Variants in SEC23A observed in about 807,000 individuals in gnomAD.
The protein encoded by SEC23A is SEC23 homolog A, COPII component.
Under a neutral mutation model 103.7 loss-of-function variants are expected in SEC23A, and 56 were observed. That is an observed-to-expected ratio of 0.54 (90% CI 0.44 to 0.67). The LOEUF (loss-of-function observed/expected upper bound fraction) is 0.67, where lower values mean the gene tolerates loss of function less well. Ranked by LOEUF, SEC23A falls within the 30% of genes least tolerant of loss-of-function variation. The pLI is 0.00. For missense variants in SEC23A, 784 were observed against 936.4 expected, an observed-to-expected ratio of 0.84 and a Z score of 2.12; for synonymous variants, 281 against 293.0, an observed-to-expected ratio of 0.96 and a Z score of 0.42.
chr14:39,063,335 C>T lies in SEC23A; in HGVS notation c.1387G>A (p.Val463Ile). 2 of 1,605,042 alleles carry T rather than the reference C, an allele frequency of 1.2e-6. No homozygotes were observed. The highest frequency in any genetic ancestry group is 2.2e-5 in the East Asian group (1 of 44,768). ...PTTTLAIYFEVVNQHNAPIPQ... is the reference protein window; with the variant it reads ...PTTTLAIYFEIVNQHNAPIPQ... The stretch of plus-strand genomic sequence containing the variant: ...GTAGAAAGTCATACCTGATTGACAA[C>T]CTCAAAATATATGGCTAAGGTTGTA... The change falls in exon 12 of 20, where the codon GTT becomes ATT. Residue 463 changes from valine to isoleucine, a missense_variant. By Grantham distance (29) the Val-to-Ile change is conservative (BLOSUM62 3). This residue lies in a region of SEC23A where 683 missense variants were observed against 774.2 expected (regional missense o/e 0.88). Transcript: ENST00000307712.
At chr14:39,094,160 T>C (rs1027805997) in intron 2 of SEC23A, among the ~76,000 whole-genome samples, 2 of 150,458 alleles carry the variant, frequency 1.3e-5, no homozygotes, top group Admixed American at 6.7e-5. Flanking sequence ...TAGCTAGGAC[T>C]ACAGACACAT....
At chr14:39,051,567 G>A (rs1340506148) in intron 14 of SEC23A, among the ~76,000 whole-genome samples, 2 of 152,108 alleles carry the variant, frequency 1.3e-5, no homozygotes, top group Non-Finnish European at 2.9e-5. Flanking sequence ...TGAAATTGAG[G>A]TGTGAGACAA....
chr14:39,047,804 C>T (rs1287023908), intron 15 of SEC23A, among the ~76,000 whole-genome samples: 6 of 152,194 alleles, frequency 3.9e-5, no homozygotes, highest in African/African-American at 1.4e-4. Context: ...CCTGTATCCT[C>T]CTAAAGTTCC....
chr14:39,099,280 T>C (rs1888002592), intron 1 of SEC23A, among the ~76,000 whole-genome samples: 1 of 147,284 alleles, frequency 6.8e-6, no homozygotes, highest in Non-Finnish European at 1.5e-5. Context: ...TGCCTCAGCC[T>C]CCCAAGTAGC....
At chr14:39,072,132 T>G (rs1056699148) in intron 9 of SEC23A, among the ~76,000 whole-genome samples, 1 of 150,800 alleles carries the variant, frequency 6.6e-6, no homozygotes, top group Admixed American at 6.6e-5. Flanking sequence ...CTGGGGAAGC[T>G]AAGATAGGAG....
chr14:39,050,673 C>G (rs1471952797), intron 14 of SEC23A, among the ~76,000 whole-genome samples: 1 of 152,124 alleles, frequency 6.6e-6, no homozygotes, highest in Non-Finnish European at 1.5e-5. Flanking sequence ...AAAAAGGAAG[C>G]CGGGAGCAGT....
At chr14:39,044,708 TA>T (rs1885769646) in intron 16 of SEC23A, among the ~76,000 whole-genome samples, 1 of 152,208 alleles carries the variant, frequency 6.6e-6, no homozygotes, top group South Asian at 2.1e-4. Context: ...TATAATCAAC[TA>T]TTTTTTATGT....
At chr14:39,099,740 G>T (rs1337164421) in intron 1 of SEC23A, among the ~76,000 whole-genome samples, 2 of 152,084 alleles carry the variant, frequency 1.3e-5, no homozygotes, top group African/African-American at 4.8e-5. Flanking sequence ...TCACTCCTAA[G>T]CTTTCAGATT....
chr14:39,086,544 C>T (rs1272725733), intron 6 of SEC23A, among the ~76,000 whole-genome samples: 1 of 152,054 alleles, frequency 6.6e-6, no homozygotes, highest in East Asian at 1.9e-4. Context: ...ATTGTTTGAA[C>T]CTGGGAGGCG....
At chr14:39,102,516 C>T (rs1476766256) in intron 1 of SEC23A, among the ~76,000 whole-genome samples, 2 of 152,178 alleles carry the variant, frequency 1.3e-5, no homozygotes, top group Non-Finnish European at 2.9e-5. Flanking sequence ...AGAAAGAAAG[C>T]CCAGTGAGAT....
intron 2 of SEC23A, among the ~76,000 whole-genome samples, chr14:39,094,434 ATATATATATT>A (rs1566515287): frequency 0.011 from 325 of 29,844 alleles, 65 homozygotes; most frequent in East Asian, 0.024. Flanking sequence ...ATATATATAT[ATATATATATT>A]TTTTTTTTTT....
intron 6 of SEC23A, 38 bp downstream of exon 6, chr14:39,086,891 T>C (rs755167507): frequency 8.1e-7 from 1 of 1,234,132 alleles, no homozygotes; most frequent in Non-Finnish European, 1.2e-6. Context: ...TTAAAATAGC[T>C]ACAGAAACGG....
intron 16 of SEC23A, 40 bp downstream of exon 16, chr14:39,045,123 G>T (rs371566152): frequency 1.3e-6 from 2 of 1,566,128 alleles, no homozygotes; most frequent in Non-Finnish European, 1.8e-6. Context: ...GCCACACATT[G>T]CAGTAACAAG....
intron 9 of SEC23A, among the ~76,000 whole-genome samples, chr14:39,073,558 T>C (rs572159274): frequency 6.7e-6 from 1 of 148,972 alleles, no homozygotes; most frequent in African/African-American, 2.5e-5. Context: ...CTTCTCAAAG[T>C]GCTAGGATTA....
At chr14:39,084,387 C>T (rs577641463) in intron 7 of SEC23A, among the ~76,000 whole-genome samples, 88 of 152,288 alleles carry the variant, frequency 5.8e-4, no homozygotes, top group Non-Finnish European at 9.7e-4. Flanking sequence ...TCTACTAAAA[C>T]TCCACTTATT....
At chr14:39,041,386 A>T (rs1442970667) in intron 17 of SEC23A, 1 of 144,918 alleles carries the variant, frequency 6.9e-6, no homozygotes, top group Non-Finnish European at 1.5e-5. Context: ...AAAAGTAAAA[A>T]TCACCATAAA....
chr14:39,095,621 A>G (rs942543842), intron 2 of SEC23A, among the ~76,000 whole-genome samples: 5 of 152,186 alleles, frequency 3.3e-5, no homozygotes, highest in Non-Finnish European at 7.4e-5. Context: ...TAATGATGCA[A>G]GATGGGTTGA....
chr14:39,091,358 T>C, intron 5 of SEC23A, 119 bp downstream of exon 5: 3 of 725,934 alleles, frequency 4.1e-6, no homozygotes, highest in Non-Finnish European at 7.1e-6. Flanking sequence ...GCCTTTGTTA[T>C]AATACAATTA....
At chr14:39,073,589 C>T (rs936960594) in intron 9 of SEC23A, among the ~76,000 whole-genome samples, 4 of 148,040 alleles carry the variant, frequency 2.7e-5, no homozygotes, top group East Asian at 4.0e-4. Context: ...CCACGGTGCC[C>T]GGCTCTGATT....
Sources: gnomAD v4.1 joint callset for allele counts (sites outside exome capture counted in the v4.1 genomes callset) on GRCh38, gnomAD v4.1.1 for gene constraint, gnomAD v4.1.1 regional missense constraint, MANE v1.5 for transcripts, NCBI Gene and HGNC (gene_info 2026-07-23, HGNC 2026-07-21) for gene names.